Variants in PUDP observed in about 807,000 individuals in gnomAD.
PUDP encodes pseudouridine 5'-phosphatase, also known as pseudouridine-5'-phosphatase.
Under a neutral mutation model 9.4 loss-of-function variants are expected in PUDP, and 8 were observed. The ratio of observed to expected loss-of-function variants is 0.85; its 90% CI spans 0.50 to 1.53. The LOEUF is 1.53. PUDP is among the 40% of genes most tolerant of loss of function. PUDP has a pLI of 0.00. For synonymous variants in PUDP, 99 were observed against 80.7 expected (o/e 1.23, Z -1.22); for missense variants, 188 against 189.7 (o/e 0.99, Z 0.05).
chrX:7,027,935 CTA>C (rs753120804), intron 1 of PUDP, among the ~76,000 whole-genome samples: 1 of 99,564 alleles, frequency 1.0e-5, no homozygotes, highest in Non-Finnish European at 2.0e-5. Context: ...TTTATATAGA[CTA>C]TATATAGACT....
chrX:6,800,072 TA>T (rs1329723105), intron 3 of PUDP, among the ~76,000 whole-genome samples: 1 of 111,907 alleles, frequency 8.9e-6, no homozygotes, highest in African/African-American at 3.2e-5. Context: ...GCTACTTAAC[TA>T]AAATGTTGCA....
At chrX:6,883,760 A>G (rs1454327124) in intron 3 of PUDP, among the ~76,000 whole-genome samples, 1 of 111,977 alleles carries the variant, frequency 8.9e-6, no homozygotes, top group Non-Finnish European at 1.9e-5. Flanking sequence ...TCCTTATTTT[A>G]TTAATGCCTA....
At chrX:7,094,702 A>G (rs1425663098) in intron 2 of PUDP, among the ~76,000 whole-genome samples, 1 of 111,302 alleles carries the variant, frequency 9.0e-6, no homozygotes, top group African/African-American at 3.3e-5. Flanking sequence ...AAGAATTTTC[A>G]TTTACATTTA....
intron 3 of PUDP, among the ~76,000 whole-genome samples, chrX:6,861,660 G>A (rs747698748): frequency 5.2e-4 from 58 of 111,404 alleles, no homozygotes; most frequent in Non-Finnish European, 9.0e-4. Context: ...AGTCAACCCC[G>A]AGACAAGGAG....
At chrX:6,747,449 C>A (rs924450543) in intron 3 of PUDP, among the ~76,000 whole-genome samples, 2 of 112,368 alleles carry the variant, frequency 1.8e-5, no homozygotes, top group Non-Finnish European at 3.8e-5. Flanking sequence ...GCCCAATTAA[C>A]TATACATATC....
intron 3 of PUDP, among the ~76,000 whole-genome samples, chrX:6,862,488 T>C (rs1602650028): frequency 8.9e-6 from 1 of 112,580 alleles, no homozygotes; most frequent in East Asian, 2.8e-4. Flanking sequence ...AACAACTTTT[T>C]TTTCATGTCA....
At chrX:6,706,814 C>G (rs1291093433) in intron 1 of PUDP, among the ~76,000 whole-genome samples, 6 of 111,710 alleles carry the variant, frequency 5.4e-5, no homozygotes. Context: ...ATCTAATAAA[C>G]ACACCTTACC....
chrX:6,836,645 G>C (rs1307777892), intron 3 of PUDP, among the ~76,000 whole-genome samples: 1 of 112,288 alleles, frequency 8.9e-6, no homozygotes, highest in African/African-American at 3.2e-5. Context: ...GCTGGGAAAG[G>C]CTTTCCAATT....
intron 3 of PUDP, among the ~76,000 whole-genome samples, chrX:6,759,894 T>C (rs1023169977): frequency 1.6e-4 from 7 of 44,446 alleles, no homozygotes; most frequent in African/African-American, 2.0e-4. Context: ...GGAGCAGTGC[T>C]CGCTAGCAGT....
intron 3 of PUDP, among the ~76,000 whole-genome samples, chrX:6,867,428 T>C (rs1445148897): frequency 9.0e-6 from 1 of 110,977 alleles, no homozygotes; most frequent in African/African-American, 3.3e-5. Context: ...GTGGTGGTGG[T>C]GATGGTAATG....
intron 3 of PUDP, among the ~76,000 whole-genome samples, chrX:6,870,161 C>T (rs1257772899): frequency 1.8e-5 from 2 of 111,573 alleles, no homozygotes; most frequent in East Asian, 2.8e-4. Flanking sequence ...AAGCTAGTCA[C>T]GAAAGACAAG....
chrX:6,722,182 A>G (rs1924681852), upstream of PUDP, among the ~76,000 whole-genome samples: 1 of 111,369 alleles, frequency 9.0e-6, no homozygotes, highest in Non-Finnish European at 1.9e-5. Flanking sequence ...ATGGTGGCTC[A>G]CGCCTGTAAT....
chrX:7,042,769 T>G (rs980985709), intron 1 of PUDP, among the ~76,000 whole-genome samples: 2 of 111,826 alleles, frequency 1.8e-5, no homozygotes, highest in African/African-American at 6.5e-5. Flanking sequence ...TTCCATGCCA[T>G]TTCTGCAGTG....
At chrX:6,922,195 C>G (rs931922528) in intron 3 of PUDP, among the ~76,000 whole-genome samples, 12 of 111,298 alleles carry the variant, frequency 1.1e-4, no homozygotes, top group Non-Finnish European at 1.9e-4. Flanking sequence ...TGTGATAACA[C>G]AGTAGAATAA....
chrX:6,886,046 A>T lies in PUDP; in HGVS notation c.*247+91087T>A, dbSNP rs1045484328. Among the ~76,000 whole-genome samples the T allele has an allele frequency of 3.6e-5, 4 of 112,081 alleles. No individual in the cohort carries two copies. In the Admixed American group the frequency reaches 3.8e-4, roughly 11 times the overall value. On this transcript the variant is annotated intron_variant and NMD_transcript_variant, in intron 3 of 3. Transcript: ENST00000655425. ...AAGTGGAGAAACAGAAACATCGTCT[A>T]TGTTGTATTGCTATCACGGTTCCCT...
intron 1 of PUDP, among the ~76,000 whole-genome samples, chrX:6,981,324 G>T (rs1350302043): frequency 5.4e-5 from 6 of 111,467 alleles, no homozygotes; most frequent in Admixed American, 4.8e-4. Context: ...TCTGTTTTTT[G>T]ATTTAAAAAG....
intron 3 of PUDP, among the ~76,000 whole-genome samples, chrX:6,853,168 C>A (rs1165685632): frequency 9.0e-6 from 1 of 111,578 alleles, no homozygotes; most frequent in Non-Finnish European, 1.9e-5. Context: ...CAGCTGTCGG[C>A]ATGTCTTAGG....
intron 3 of PUDP, among the ~76,000 whole-genome samples, chrX:6,760,681 T>C (rs948780070): frequency 4.5e-5 from 5 of 112,293 alleles, no homozygotes; most frequent in African/African-American, 1.6e-4. Context: ...GCAGGCATAC[T>C]TCATGGACAA....
At chrX:6,799,952 T>A (rs1467459607) in intron 3 of PUDP, among the ~76,000 whole-genome samples, 2 of 112,713 alleles carry the variant, frequency 1.8e-5, no homozygotes, top group South Asian at 3.7e-4. Context: ...AACTCTTTTT[T>A]CTTCTTGTTA....
Sources: gnomAD v4.1 joint callset for allele counts (sites outside exome capture counted in the v4.1 genomes callset) on GRCh38, gnomAD v4.1.1 for gene constraint, MANE v1.5 for transcripts, NCBI Gene and HGNC (gene_info 2026-07-23, HGNC 2026-07-21) for gene names.